Variants in ADAMTS17 observed in about 807,000 individuals in gnomAD.
ADAMTS17 encodes the protein ADAM metallopeptidase with thrombospondin type 1 motif 17, also known as A disintegrin and metalloproteinase with thrombospondin motifs 17.
ADAMTS17 carries 113 observed loss-of-function variants against 141.5 expected under a neutral mutation model. That is an observed-to-expected ratio of 0.80 (90% CI 0.69 to 0.93). The LOEUF (loss-of-function observed/expected upper bound fraction) is 0.93, where lower values mean the gene tolerates loss of function less well. ADAMTS17 is among the 40% of genes least tolerant of loss of function. The probability of loss-of-function intolerance (pLI) is 0.00; values close to 1 mark genes in which losing one functional copy is unlikely to be tolerated. For synonymous variants in ADAMTS17, 768 were observed against 630.6 expected (o/e 1.22, Z -3.27); for missense variants, 1,659 against 1,517.9 (o/e 1.09, Z -1.54).
chr15:100,081,919 G>C (rs1189899843), intron 15 of ADAMTS17, among the ~76,000 whole-genome samples: 1 of 152,050 alleles, frequency 6.6e-6, no homozygotes, highest in Non-Finnish European at 1.5e-5. Context: ...CTTTTATTTA[G>C]TTATGATGCA....
chr15:100,276,719 G>A (rs2044110115), intron 4 of ADAMTS17, among the ~76,000 whole-genome samples: 1 of 152,100 alleles, frequency 6.6e-6, no homozygotes, highest in Non-Finnish European at 1.5e-5. Flanking sequence ...GGGCTCGCTG[G>A]CATCACGTTC....
intron 4 of ADAMTS17, among the ~76,000 whole-genome samples, chr15:100,277,891 T>C (rs535550757): frequency 7.2e-5 from 11 of 152,214 alleles, no homozygotes; most frequent in South Asian, 2.1e-4. Context: ...AACCCAGGCA[T>C]ATGCTGACAG....
chr15:100,046,542 A>C (rs2031699177), intron 18 of ADAMTS17, among the ~76,000 whole-genome samples: 1 of 152,240 alleles, frequency 6.6e-6, no homozygotes, highest in Non-Finnish European at 1.5e-5. Context: ...GGAACCCCGA[A>C]CGGAGGGACC....
intron 7 of ADAMTS17, among the ~76,000 whole-genome samples, chr15:100,233,499 G>T (rs190826250): frequency 8.6e-4 from 131 of 152,212 alleles, no homozygotes; most frequent in African/African-American, 3.1e-3. Context: ...AGTTTTATTA[G>T]CTCGAAAAAT....
intron 15 of ADAMTS17, among the ~76,000 whole-genome samples, chr15:100,058,168 T>TCCTATCCCGGCTCTAACACCC (rs144421093): frequency 7.3e-6 from 1 of 137,458 alleles, no homozygotes; most frequent in Non-Finnish European, 1.6e-5. Flanking sequence ...GCTCTAACCC[T>TCCTATCCCGGCTCTAACACCC]CCTATCCCGG....
At position 100,288,490 on chromosome 15, in the gene ADAMTS17, G is replaced by A. The variant is rs142554947; in HGVS notation, c.617-7089C>T. Among the ~76,000 whole-genome samples the A allele has an allele frequency of 2.2e-4, 34 of 152,244 alleles. 1 individual carries two copies. The East Asian group carries it at 5.2e-3, about 23-fold the overall frequency. Reference sequence around the variant, plus strand: ...GAAAACTAATAAAGATATTCAGGACGTGAACTCAACACTTGACCAAATGGA... The same window carrying A: ...GAAAACTAATAAAGATATTCAGGACATGAACTCAACACTTGACCAAATGGA... On this transcript the variant is annotated intron_variant, in intron 3 of 21. Coordinates refer to ENST00000268070, the MANE Select transcript of ADAMTS17 (RefSeq NM_139057.4).
At chr15:100,244,333 G>A (rs893377202) in intron 7 of ADAMTS17, among the ~76,000 whole-genome samples, 2 of 148,780 alleles carry the variant, frequency 1.3e-5, no homozygotes, top group African/African-American at 5.0e-5. Flanking sequence ...CAACGACAGT[G>A]GTGGACAAGC....
Position 100,145,606 on chromosome 15 carries a change from C to T in ADAMTS17, c.1473+7006G>A, listed in dbSNP as rs569953375. ...TAGGATGGTCATGGGGCCTGCCTCA[C>T]GAAGACACACATCTAAATTGAACAT... is the stretch of plus-strand genomic sequence containing the variant. On this transcript the variant is annotated intron_variant, in intron 10 of 21. Transcript: ENST00000268070. 1.2e-3 allele frequency among the ~76,000 whole-genome samples: 183 copies of T among 152,128 alleles called. 1 individual carries two copies. Among genetic ancestry groups the T allele is most frequent in the Non-Finnish European group, 1.6e-3 (110 of 68,016 alleles).
At chr15:100,340,548 T>C (rs2046332439) in intron 2 of ADAMTS17, among the ~76,000 whole-genome samples, 1 of 152,172 alleles carries the variant, frequency 6.6e-6, no homozygotes, top group Non-Finnish European at 1.5e-5. Context: ...CCAAACTTCC[T>C]GTTCCAGGTA....
At chr15:100,185,322 T>A (rs570522646) in intron 8 of ADAMTS17, among the ~76,000 whole-genome samples, 2 of 151,796 alleles carry the variant, frequency 1.3e-5, no homozygotes, top group African/African-American at 4.9e-5. Flanking sequence ...ACCTGTGAGA[T>A]CTACCACTGC....
At chr15:100,195,009 G>A (rs2041057663) in intron 8 of ADAMTS17, among the ~76,000 whole-genome samples, 1 of 152,236 alleles carries the variant, frequency 6.6e-6, no homozygotes, top group Non-Finnish European at 1.5e-5. Context: ...TATGGAAAGG[G>A]ACACAGCTGC....
chr15:100,140,311 A>C (rs1224552669), intron 10 of ADAMTS17, among the ~76,000 whole-genome samples: 1 of 152,094 alleles, frequency 6.6e-6, no homozygotes, highest in Non-Finnish European at 1.5e-5. Context: ...AGATGTTAAC[A>C]TAACAGGAAG....
intron 9 of ADAMTS17, among the ~76,000 whole-genome samples, chr15:100,153,202 T>C (rs13379772): frequency 0.035 from 5,265 of 152,304 alleles, 301 homozygotes; most frequent in African/African-American, 0.12. Flanking sequence ...TTCCAACTCT[T>C]CAGGTTCTTT....
In ADAMTS17 at chr15:100,206,911, G is replaced by A. The variant is rs573423734; in HGVS notation, c.1076-7488C>T. On this transcript the variant is annotated intron_variant, in intron 7 of 21. Coordinates refer to ENST00000268070, the MANE Select transcript of ADAMTS17 (RefSeq NM_139057.4). The stretch of plus-strand genomic sequence containing the variant: ...ATCACAGTTATTAGAGCAGCCACAG[G>A]CAGGGCCACGAGCGGAGGCTGCTCA... Among the ~76,000 whole-genome samples the A allele has an allele frequency of 8.9e-4, 135 of 152,304 alleles. No individual in the cohort carries two copies. The South Asian group carries it at 0.028, about 31-fold the overall frequency.
chr15:100,112,221 G>A (rs1477393699), intron 13 of ADAMTS17, among the ~76,000 whole-genome samples: 1 of 152,172 alleles, frequency 6.6e-6, no homozygotes, highest in African/African-American at 2.4e-5. Flanking sequence ...AGGGATGCTG[G>A]CCACGAGCCT....
chr15:100,244,558 G>C (rs146670359), intron 7 of ADAMTS17, among the ~76,000 whole-genome samples: 2 of 151,808 alleles, frequency 1.3e-5, no homozygotes, highest in African/African-American at 4.8e-5. Context: ...TCATGAGATC[G>C]GATGGTTTCA....
intron 14 of ADAMTS17, among the ~76,000 whole-genome samples, chr15:100,100,231 T>G (rs2036013431): frequency 2.0e-5 from 3 of 152,170 alleles, no homozygotes; most frequent in Non-Finnish European, 4.4e-5. Flanking sequence ...TGTCTGATTC[T>G]CCTCCCAGCC....
chr15:100,311,399 G>C (rs115982741), intron 3 of ADAMTS17, among the ~76,000 whole-genome samples: 280 of 152,330 alleles, frequency 1.8e-3, no homozygotes, highest in African/African-American at 6.3e-3. Flanking sequence ...CCTCAGGGCT[G>C]GACCAGCTGC....
chr15:100,068,342 C>G (rs976712421), intron 15 of ADAMTS17, among the ~76,000 whole-genome samples: 2 of 152,164 alleles, frequency 1.3e-5, no homozygotes, highest in African/African-American at 4.8e-5. Flanking sequence ...CATAGCCAAA[C>G]AAAAGGCAGC....
Sources: gnomAD v4.1 joint callset for allele counts (sites outside exome capture counted in the v4.1 genomes callset) on GRCh38, gnomAD v4.1.1 for gene constraint, MANE v1.5 for transcripts, NCBI Gene and HGNC (gene_info 2026-07-23, HGNC 2026-07-21) for gene names.